Variants in CSF2RA observed in about 807,000 individuals in gnomAD.
The protein encoded by CSF2RA is granulocyte-macrophage colony-stimulating factor receptor subunit alpha.
A neutral mutation model predicts 51.6 loss-of-function variants in CSF2RA; 42 were observed. The ratio of observed to expected loss-of-function variants is 0.81; its 90% CI spans 0.64 to 1.05. The LOEUF (loss-of-function observed/expected upper bound fraction) is 1.05. Ranked by LOEUF, CSF2RA falls within the 50% of genes least tolerant of loss-of-function variation. The probability of loss-of-function intolerance (pLI) is 0.00; values close to 1 mark genes in which losing one functional copy is unlikely to be tolerated. For missense variants in CSF2RA, 530 were observed against 501.1 expected, an observed-to-expected ratio of 1.06 and a Z score of -0.55; for synonymous variants, 222 against 193.0, an observed-to-expected ratio of 1.15 and a Z score of -1.24.
chrX:1,286,517 C>T (rs867640292), intron 4 of CSF2RA, among the ~76,000 whole-genome samples: 21 of 151,422 alleles, frequency 1.4e-4, no homozygotes, highest in South Asian at 8.3e-4. Flanking sequence ...TGCGGTGAGC[C>T]GAGATGGTGC....
rs201748702 is a variant in CSF2RA, at chrX:1,300,229, TAAATA to T, written c.811-248_811-244del. The T allele has an allele frequency of 0.38, 150,793 of 392,026 alleles. 29,779 individuals carry two copies. Among genetic ancestry groups the T allele is most frequent in the African/African-American group, 0.54 (25,659 of 47,902 alleles). 24.3% of individuals were successfully genotyped at this position (392,026 alleles called of 1,614,324 possible). On this transcript the variant is annotated intron_variant, in intron 9 of 12. Coordinates refer to ENST00000381529, the MANE Select transcript of CSF2RA (RefSeq NM_172245.4). ...GGGAGACTCCGTCTCAAAAAATAAA[TAAATA>T]AAATAAAATAAAAAAGCTTAAAGCC...
At chrX:1,291,208 C>G (rs2091359782) in intron 7 of CSF2RA, among the ~76,000 whole-genome samples, 1 of 151,042 alleles carries the variant, frequency 6.6e-6, no homozygotes, top group African/African-American at 2.4e-5. Context: ...AGGCGTCAGC[C>G]ACTGCACCTG....
chrX:1,305,896 CG>C lies in CSF2RA; in HGVS notation c.1125+370del, dbSNP rs1232012479. 1.9e-5 allele frequency: 19 copies of C among 1,010,100 alleles called. 1 individual carries two copies. The highest frequency in any genetic ancestry group is 2.2e-5 in the Non-Finnish European group (15 of 674,176). 62.6% of individuals were successfully genotyped at this position (1,010,100 alleles called of 1,614,324 possible). ...AGAGGTTCGAGACCAGCCTGGCCAA[CG>C]TGGTGAAACCCCATCTCTGCTAAAA... is the stretch of plus-strand genomic sequence containing the variant. On this transcript the variant is annotated intron_variant, in intron 12 of 12. Transcript: ENST00000381529.
intron 12 of CSF2RA, among the ~76,000 whole-genome samples, chrX:1,308,126 A>G (rs2083865070): frequency 2.0e-5 from 3 of 152,204 alleles, no homozygotes; most frequent in Middle Eastern, 3.4e-3. Flanking sequence ...CTCCAGTCCA[A>G]TCTCTTTTCC....
chrX:1,277,256 G>A (rs1394353897), intron 2 of CSF2RA, among the ~76,000 whole-genome samples: 1 of 151,936 alleles, frequency 6.6e-6, no homozygotes, highest in Non-Finnish European at 1.5e-5. Flanking sequence ...ACAGGAAAGG[G>A]GTTCGGATCC....
At chrX:1,295,889 A>T (rs1162773680) in intron 9 of CSF2RA, among the ~76,000 whole-genome samples, 10 of 129,584 alleles carry the variant, frequency 7.7e-5, no homozygotes, top group African/African-American at 2.8e-4. Context: ...TCCCCTACTC[A>T]TGACCCCTAC....
chrX:1,314,887 C>T (rs868004488), downstream of CSF2RA, among the ~76,000 whole-genome samples: 130 of 49,246 alleles, frequency 2.6e-3, 5 homozygotes, highest in Admixed American at 5.4e-3. Flanking sequence ...ACCTGCCCAA[C>T]CACACTGAAC....
chrX:1,317,534 A>G, the CSF2RA span, among the ~76,000 whole-genome samples: 13 of 147,732 alleles, frequency 8.8e-5, no homozygotes, highest in South Asian at 2.8e-3. Context: ...TGCAGGCGTG[A>G]GCCACCACGC....
Position 1,300,338 on chromosome X carries a change from A to T in CSF2RA, c.811-153A>T, listed in dbSNP as rs184813092. 136 of 927,732 alleles carry T rather than the reference A, an allele frequency of 1.5e-4. No individual in the cohort carries two copies. In the African/African-American group the frequency reaches 2.1e-3, roughly 14 times the overall value. 57.5% of individuals were successfully genotyped at this position (927,732 alleles called of 1,614,324 possible). A position where few individuals can be genotyped will look rare whatever the true frequency, so the allele number is the denominator to read the frequency against. On this transcript the variant is annotated intron_variant, in intron 9 of 12. Transcript: ENST00000381529. ...GACTCTGCTTAGCTTCGAAGACCCG[A>T]TCAGACCAAGTGCATTCAGAGTGGT...
intron 12 of CSF2RA, among the ~76,000 whole-genome samples, chrX:1,306,250 CACAG>C (rs1237473805): frequency 6.6e-5 from 10 of 151,786 alleles, no homozygotes; most frequent in African/African-American, 1.2e-4. Flanking sequence ...AAGGCAGACA[CACAG>C]ACAGAGAAAC....
At chrX:1,280,424 TTG>T (rs2089746759) in intron 2 of CSF2RA, among the ~76,000 whole-genome samples, 3 of 148,564 alleles carry the variant, frequency 2.0e-5, no homozygotes, top group South Asian at 4.2e-4. Context: ...TGAGCCAAGA[TTG>T]CACCACTGCA....
the CSF2RA span, among the ~76,000 whole-genome samples, chrX:1,321,437 C>T: frequency 6.6e-6 from 1 of 151,690 alleles, no homozygotes; most frequent in African/African-American, 2.4e-5. Context: ...CCACTGCACT[C>T]CAGCCTGGGT....
At chrX:1,301,138 G>A (rs1384902450) in intron 10 of CSF2RA, among the ~76,000 whole-genome samples, 5 of 149,446 alleles carry the variant, frequency 3.3e-5, no homozygotes, top group African/African-American at 9.9e-5. Context: ...GGGTGACAGC[G>A]TGAGACTCCG....
At chrX:1,306,183 G>A (rs1233085825) in intron 12 of CSF2RA, among the ~76,000 whole-genome samples, 1 of 151,836 alleles carries the variant, frequency 6.6e-6, no homozygotes, top group Non-Finnish European at 1.5e-5. Context: ...GAGGAATGTA[G>A]AAGAGAATGA....
At chrX:1,276,356 T>TTATA (rs1249234916) in intron 2 of CSF2RA, among the ~76,000 whole-genome samples, 2 of 120,462 alleles carry the variant, frequency 1.7e-5, no homozygotes, top group Admixed American at 9.0e-5. Context: ...TTATGTTTGT[T>TTATA]TATATATTTA....
the CSF2RA span, among the ~76,000 whole-genome samples, chrX:1,315,999 G>GAAA: frequency 8.5e-6 from 1 of 117,354 alleles, no homozygotes. Context: ...TAGATGGATA[G>GAAA]ACAGATAGAT....
the CSF2RA span, among the ~76,000 whole-genome samples, chrX:1,316,694 T>A: frequency 1.3e-5 from 2 of 152,002 alleles, no homozygotes; most frequent in Non-Finnish European, 2.9e-5. Context: ...AACGCCTGGG[T>A]TCTCCTGAAT....
chrX:1,285,508 A>G (rs1243783327), intron 3 of CSF2RA: 1 of 489,964 alleles, frequency 2.0e-6, no homozygotes, highest in Admixed American at 3.4e-5. Context: ...AGCCTGACCA[A>G]CATGGTGAAA....
intron 3 of CSF2RA, among the ~76,000 whole-genome samples, chrX:1,284,195 CTTTTTTTTTTTTT>C (rs752104115): frequency 1.1e-5 from 1 of 91,750 alleles, no homozygotes; most frequent in Non-Finnish European, 2.1e-5. Flanking sequence ...CTCTGTCTCT[CTTTTTTTTTTTTT>C]TTTTTTTTTT....
Sources: allele counts gnomAD v4.1 joint callset (sites outside exome capture counted in the v4.1 genomes callset), GRCh38; gene constraint gnomAD v4.1.1; transcripts MANE v1.5; gene names NCBI Gene and HGNC (gene_info 2026-07-23, HGNC 2026-07-21).